Variants in INPP4B observed in about 807,000 individuals in gnomAD.
The protein encoded by INPP4B is inositol polyphosphate 4-phosphatase type II.
In INPP4B, 55 loss-of-function variants were observed where a neutral mutation model predicts 122.5. That is an observed-to-expected ratio of 0.45 (90% confidence interval 0.36 to 0.56). The LOEUF (loss-of-function observed/expected upper bound fraction) is 0.56. Among genes scored for constraint, INPP4B ranks in the 20% least tolerant of loss-of-function variants. The pLI is 0.00. For missense variants in INPP4B, 1,000 were observed against 1,097.7 expected (o/e 0.91, Z 1.26); for synonymous variants, 403 against 388.7 (o/e 1.04, Z -0.43).
chr4:142,224,261 G>C (rs1258358212), intron 12 of INPP4B, among the ~76,000 whole-genome samples: 1 of 151,948 alleles, frequency 6.6e-6, no homozygotes, highest in East Asian at 1.9e-4. Context: ...GGAGAGTCTG[G>C]GTCACTATGT....
intron 7 of INPP4B, among the ~76,000 whole-genome samples, chr4:142,382,642 ATATATTATATATATT>A: frequency 6.9e-6 from 1 of 145,428 alleles, no homozygotes; most frequent in Admixed American, 7.0e-5. Context: ...ATATACATTT[ATATATTATATATATT>A]TATATATATA....
chr4:142,612,778 G>T (rs934227365), intron 2 of INPP4B, among the ~76,000 whole-genome samples: 2 of 152,116 alleles, frequency 1.3e-5, no homozygotes, highest in Admixed American at 1.3e-4. Context: ...AAGGCCCCAT[G>T]TCCAAATATC....
intron 18 of INPP4B, among the ~76,000 whole-genome samples, chr4:142,133,461 C>T (rs1227967288): frequency 1.3e-5 from 2 of 152,180 alleles, no homozygotes; most frequent in African/African-American, 4.8e-5. Flanking sequence ...ACCTTGACAA[C>T]TGTATTCATG....
chr4:142,783,649 A>T (rs1023505557), intron 1 of INPP4B, among the ~76,000 whole-genome samples: 1 of 152,160 alleles, frequency 6.6e-6, no homozygotes, highest in African/African-American at 2.4e-5. Flanking sequence ...TGGGATTATG[A>T]TAAACAGAAA....
chr4:142,141,442 A>T (rs1292951976), intron 18 of INPP4B, among the ~76,000 whole-genome samples: 2 of 152,184 alleles, frequency 1.3e-5, no homozygotes. Flanking sequence ...CAGACAGCAG[A>T]TGCTTAGAAA....
At chr4:142,656,606 C>T (rs1276973535) in intron 2 of INPP4B, among the ~76,000 whole-genome samples, 1 of 152,154 alleles carries the variant, frequency 6.6e-6, no homozygotes, top group Non-Finnish European at 1.5e-5. Context: ...CTAACCACTT[C>T]CCGTTGCAGC....
At chr4:142,777,266 G>T (rs143404928) in intron 1 of INPP4B, among the ~76,000 whole-genome samples, 1 of 152,130 alleles carries the variant, frequency 6.6e-6, no homozygotes, top group African/African-American at 2.4e-5. Flanking sequence ...GTGATAGGGC[G>T]TAACTCTTGT....
At chr4:142,537,257 T>C (rs1828309012) in intron 2 of INPP4B, among the ~76,000 whole-genome samples, 1 of 151,112 alleles carries the variant, frequency 6.6e-6, no homozygotes, top group Non-Finnish European at 1.5e-5. Flanking sequence ...CTGGGTAAAA[T>C]GTGAGAATGG....
chr4:142,145,770 T>A (rs1810364633), intron 18 of INPP4B, 70 bp downstream of exon 18: 1 of 1,457,016 alleles, frequency 6.9e-7, no homozygotes, highest in Non-Finnish European at 9.5e-7. Context: ...TTCTTCTATA[T>A]CATTTTTTTT....
At chr4:142,557,667 G>A (rs1238222925) in intron 2 of INPP4B, among the ~76,000 whole-genome samples, 3 of 152,148 alleles carry the variant, frequency 2.0e-5, no homozygotes, top group Non-Finnish European at 4.4e-5. Context: ...GTCGGAAGTT[G>A]TTATAGATAT....
intron 25 of INPP4B, among the ~76,000 whole-genome samples, chr4:142,034,460 CT>C (rs1742538805): frequency 6.6e-6 from 1 of 152,052 alleles, no homozygotes; most frequent in Admixed American, 6.6e-5. Flanking sequence ...CCGCGATCCC[CT>C]CTTACCTCTC....
At chr4:142,402,829 T>C (rs1802082300) in intron 7 of INPP4B, 109 bp downstream of exon 7, 4 of 728,644 alleles carry the variant, frequency 5.5e-6, no homozygotes, top group South Asian at 4.5e-5. Flanking sequence ...AAGACAATCA[T>C]GAACACGGTG....
chr4:142,268,105 C>T lies in INPP4B; in HGVS notation c.615+2558G>A, dbSNP rs1212982658. ...TTGGGAGGCTGAGACAGGCAGATCA[C>T]GAAATCAGGAGACTGAGACCATCCT... On this transcript the variant is annotated intron_variant, in intron 10 of 25. Transcript: ENST00000262992. 4.0e-5 allele frequency among the ~76,000 whole-genome samples: 6 copies of T among 151,506 alleles called. No homozygotes were observed. The East Asian group carries it at 5.9e-4, about 15-fold the overall frequency.
At chr4:142,748,167 C>A (rs1769078808) in intron 1 of INPP4B, among the ~76,000 whole-genome samples, 1 of 151,356 alleles carries the variant, frequency 6.6e-6, no homozygotes, top group Non-Finnish European at 1.5e-5. Context: ...ACCCATAGAC[C>A]AAAGAGAAAT....
chr4:142,123,406 A>G lies in INPP4B; in HGVS notation c.1903T>C (p.Leu635=), dbSNP rs780381733. The G allele has an allele frequency of 6.2e-7, 1 of 1,608,190 alleles. No individual in the cohort carries two copies. The highest frequency in any genetic ancestry group is 1.3e-5 in the African/African-American group (1 of 74,680). The change falls in exon 20 of 26, where the codon TTG becomes CTG. Residue 635 remains leucine (L), a synonymous_variant. Coordinates refer to ENST00000262992, the MANE Select transcript of INPP4B (RefSeq NM_001101669.3). ...AATTTGATGATAAAACCACAAACCA[A>G]TCCAGCAAGCTGAAAAAAAAATATT... ...DIVFSQALAG[L]VCGFIIKLQT...
intron 2 of INPP4B, among the ~76,000 whole-genome samples, chr4:142,643,239 C>G (rs1750941946): frequency 6.6e-6 from 1 of 151,948 alleles, no homozygotes. Flanking sequence ...TTAAAAACTA[C>G]TTCTCACAAC....
At chr4:142,389,089 T>G (rs112931539) in intron 7 of INPP4B, among the ~76,000 whole-genome samples, 45 of 151,574 alleles carry the variant, frequency 3.0e-4, no homozygotes, top group African/African-American at 9.7e-4. Flanking sequence ...GTCTCTACTA[T>G]AAACACAAAA....
intron 15 of INPP4B, among the ~76,000 whole-genome samples, chr4:142,186,491 A>G (rs1158743700): frequency 6.6e-6 from 1 of 152,248 alleles, no homozygotes; most frequent in Non-Finnish European, 1.5e-5. Context: ...ACAGAGTTAC[A>G]GAAAAGTCAA....
At chr4:142,318,509 A>G (rs1768707350) in intron 7 of INPP4B, among the ~76,000 whole-genome samples, 6 of 152,094 alleles carry the variant, frequency 3.9e-5, no homozygotes, top group Admixed American at 3.9e-4. Flanking sequence ...TTTTGGTCTT[A>G]TCAGCAGTTC....
Sources: gnomAD v4.1 joint callset for allele counts (sites outside exome capture counted in the v4.1 genomes callset) on GRCh38, gnomAD v4.1.1 for gene constraint, MANE v1.5 for transcripts, NCBI Gene and HGNC (gene_info 2026-07-23, HGNC 2026-07-21) for gene names.